The following SYCP2L variants were observed in gnomAD, a reference collection of about 807,000 sequenced individuals.
SYCP2L encodes synaptonemal complex protein 2-like.
A neutral mutation model predicts 125.8 loss-of-function variants in SYCP2L; 98 were observed. The ratio of observed to expected loss-of-function variants is 0.78; its 90% CI spans 0.66 to 0.92. SYCP2L has a LOEUF of 0.92. Ranked by LOEUF, SYCP2L falls within the 40% of genes least tolerant of loss-of-function variation. The probability of loss-of-function intolerance (pLI) is 0.00; values close to 1 mark genes in which losing one functional copy is unlikely to be tolerated. For missense variants in SYCP2L, 842 were observed against 936.4 expected (o/e 0.90, Z 1.32); for synonymous variants, 317 against 325.4 (o/e 0.97, Z 0.28).
At chr6:10,949,326 A>G (rs1298639515) in intron 23 of SYCP2L, among the ~76,000 whole-genome samples, 1 of 152,140 alleles carries the variant, frequency 6.6e-6, no homozygotes, top group Non-Finnish European at 1.5e-5. Context: ...GTTACCATCA[A>G]TGGTTAGTAG....
chr6:10,936,563 A>G (rs537418490), intron 21 of SYCP2L, among the ~76,000 whole-genome samples: 1 of 152,346 alleles, frequency 6.6e-6, no homozygotes, highest in South Asian at 2.1e-4. Context: ...ACAAAAGAGT[A>G]ACAATCAACA....
intron 6 of SYCP2L, among the ~76,000 whole-genome samples, chr6:10,899,914 A>G (rs2113297144): frequency 6.6e-6 from 1 of 152,310 alleles, no homozygotes; most frequent in Admixed American, 6.5e-5. Context: ...ACAGTGGTAA[A>G]CTACTTTGAT....
intron 21 of SYCP2L, 28 bp downstream of exon 21, chr6:10,935,215 G>A: frequency 6.3e-7 from 1 of 1,599,648 alleles, no homozygotes; most frequent in Non-Finnish European, 8.5e-7. Context: ...GACTTACATA[G>A]GAAAAAATTT....
intron 26 of SYCP2L, 76 bp downstream of exon 26, chr6:10,958,951 C>T: frequency 7.7e-7 from 1 of 1,305,998 alleles, no homozygotes; most frequent in Non-Finnish European, 1.1e-6. Flanking sequence ...GACCACTGTG[C>T]TAGGGCCCTG....
intron 14 of SYCP2L, among the ~76,000 whole-genome samples, chr6:10,923,045 G>A (rs73723612): frequency 0.02 from 3,059 of 152,080 alleles, 102 homozygotes; most frequent in African/African-American, 0.07. Flanking sequence ...TGCGTATTTT[G>A]TGCTTACAGA....
chr6:10,898,978 T>A (rs780653177), intron 6 of SYCP2L, 130 bp downstream of exon 6: 60 of 646,720 alleles, frequency 9.3e-5, no homozygotes, highest in Non-Finnish European at 1.6e-4. Context: ...ATTGACCACC[T>A]TATGGTCATC....
chr6:10,967,342 G>T (rs1581847539), intron 29 of SYCP2L, among the ~76,000 whole-genome samples: 2 of 152,046 alleles, frequency 1.3e-5, no homozygotes, highest in East Asian at 3.9e-4. Flanking sequence ...AACAGGACAA[G>T]GACAATCCTG....
At chr6:10,933,954 A>G (rs947087802) in intron 20 of SYCP2L, among the ~76,000 whole-genome samples, 4 of 152,230 alleles carry the variant, frequency 2.6e-5, no homozygotes, top group African/African-American at 9.7e-5. Flanking sequence ...AGGAAATATA[A>G]TTGAATCATT....
intron 14 of SYCP2L, among the ~76,000 whole-genome samples, chr6:10,915,004 C>T (rs1428704508): frequency 6.6e-6 from 1 of 152,096 alleles, no homozygotes; most frequent in Non-Finnish European, 1.5e-5. Flanking sequence ...ACTCAGCCTC[C>T]CAAAGTTCTG....
At chr6:10,897,410 C>T (rs1780276123) in intron 4 of SYCP2L, among the ~76,000 whole-genome samples, 1 of 129,858 alleles carries the variant, frequency 7.7e-6, no homozygotes, top group Non-Finnish European at 1.7e-5. Context: ...TCACTTATCT[C>T]TTTTTTTTTT....
chr6:10,893,348 A>G (rs1423520788), intron 2 of SYCP2L, among the ~76,000 whole-genome samples: 1 of 152,250 alleles, frequency 6.6e-6, no homozygotes, highest in Non-Finnish European at 1.5e-5. Context: ...GCAGGCAGAA[A>G]AGATGAATTT....
intron 14 of SYCP2L, among the ~76,000 whole-genome samples, chr6:10,913,326 G>A (rs750532270): frequency 1.7e-4 from 26 of 152,156 alleles, no homozygotes; most frequent in Non-Finnish European, 2.8e-4. Context: ...GGTTAGTAAG[G>A]AAGACATCTA....
chr6:10,948,598 C>T (rs1479913351), intron 23 of SYCP2L, among the ~76,000 whole-genome samples: 1 of 152,022 alleles, frequency 6.6e-6, no homozygotes, highest in Non-Finnish European at 1.5e-5. Context: ...AAAAAAGATA[C>T]ATTGTTGGAC....
chr6:10,905,165 AAG>A (rs1561682671), intron 8 of SYCP2L, among the ~76,000 whole-genome samples: 2 of 136,926 alleles, frequency 1.5e-5, no homozygotes, highest in African/African-American at 5.6e-5. Flanking sequence ...AAAAAAAAAA[AAG>A]AAGAAGATCG....
chr6:10,898,034 A>C lies in SYCP2L; in HGVS notation c.360A>C (p.Thr120=). The C allele has an allele frequency of 2.5e-6, 4 of 1,614,096 alleles. No individual in the cohort carries two copies. Among genetic ancestry groups the C allele is most frequent in the Non-Finnish European group, 3.4e-6 (4 of 1,179,920 alleles). The change falls in exon 5 of 30, where the codon ACA becomes ACC. Residue 120 remains threonine, a synonymous_variant. Coordinates refer to ENST00000283141, the MANE Select transcript of SYCP2L (RefSeq NM_001040274.3). ...ACCTAGTTTCCTGGTTTGAAAGAAC[A>C]ACAGGAATTCTGACCTCGGAAGGCC... ...IPKLVSWFER[T]TGILTSEGLA... is the part of the protein sequence containing the mutation.
chr6:10,934,129 C>T (rs1041188619), intron 20 of SYCP2L, among the ~76,000 whole-genome samples: 3 of 152,164 alleles, frequency 2.0e-5, no homozygotes, highest in Non-Finnish European at 4.4e-5. Context: ...CACTCTGTCT[C>T]TCTCTTAACT....
chr6:10,935,677 T>G (rs1781080869), intron 21 of SYCP2L, among the ~76,000 whole-genome samples: 1 of 152,088 alleles, frequency 6.6e-6, no homozygotes, highest in African/African-American at 2.4e-5. Flanking sequence ...GTATTTTTAG[T>G]TGAGACGGAG....
intron 4 of SYCP2L, among the ~76,000 whole-genome samples, chr6:10,895,342 C>T (rs62395384): frequency 0.31 from 46,832 of 152,104 alleles, 8,845 homozygotes; most frequent in South Asian, 0.5. Context: ...CAAAGGGGCA[C>T]GAGGGCCTTT....
In SYCP2L at chr6:10,894,338, T is replaced by C. The variant is rs1413854749; in HGVS notation, c.336+134T>C. ...GAAAAGAAATTGATATCCATTCTTA[T>C]TGCTTCTGTCTAACCAAAAATTAAA... is the stretch of plus-strand genomic sequence containing the variant. On this transcript the variant is annotated intron_variant, in intron 4 of 29. Transcript: ENST00000283141. 7.6e-6 allele frequency: 9 copies of C among 1,190,032 alleles called. No individual in the cohort carries two copies. The African/African-American group carries it at 9.2e-5, about 12-fold the overall frequency. 73.7% of individuals were successfully genotyped at this position (1,190,032 alleles called of 1,614,324 possible).
Sources: gnomAD v4.1 joint callset for allele counts (sites outside exome capture counted in the v4.1 genomes callset) on GRCh38, gnomAD v4.1.1 for gene constraint, MANE v1.5 for transcripts, NCBI Gene and HGNC (gene_info 2026-07-23, HGNC 2026-07-21) for gene names.